Variants in SYCE2 observed in about 807,000 individuals in gnomAD.
The protein encoded by SYCE2 is synaptonemal complex central element protein 2.
A neutral mutation model predicts 27.9 loss-of-function variants in SYCE2; 3 were observed. That is an observed-to-expected ratio of 0.11 (90% CI 0.05 to 0.28). The LOEUF is 0.28. Among genes scored for constraint, SYCE2 ranks in the 10% least tolerant of loss-of-function variants. The pLI, the probability that SYCE2 is intolerant of heterozygous loss-of-function variation, is 1.00. For synonymous variants in SYCE2, 85 were observed against 100.7 expected (o/e 0.84, Z 0.93); for missense variants, 207 against 263.5 (o/e 0.79, Z 1.48).
intron 1 of SYCE2, among the ~76,000 whole-genome samples, 176 bp from the exon 2 acceptor site, chr19:12,918,513 A>G (rs1971180308): frequency 6.6e-6 from 1 of 152,116 alleles, no homozygotes; most frequent in Non-Finnish European, 1.5e-5. Flanking sequence ...ATGGGGTGAA[A>G]GGACACTCTG....
chr19:12,905,623 G>A (rs929289470), intron 2 of SYCE2, among the ~76,000 whole-genome samples: 4 of 151,066 alleles, frequency 2.6e-5, no homozygotes, highest in African/African-American at 7.3e-5. Flanking sequence ...GAGCCACCGC[G>A]CCCAGCCCAA....
chr19:12,909,507 C>T (rs1971005253), intron 2 of SYCE2, among the ~76,000 whole-genome samples: 1 of 152,162 alleles, frequency 6.6e-6, no homozygotes, highest in Non-Finnish European at 1.5e-5. Context: ...CTCTCTGTCC[C>T]TCTGCATCCT....
At chr19:12,912,435 A>T (rs757602378) in intron 2 of SYCE2, among the ~76,000 whole-genome samples, 3 of 148,370 alleles carry the variant, frequency 2.0e-5, no homozygotes, top group African/African-American at 7.9e-5. Flanking sequence ...TATGAACATC[A>T]GTCCCCTCCA....
chr19:12,904,471 T>TA, intron 3 of SYCE2, 21 bp downstream of exon 3: 1 of 1,613,746 alleles, frequency 6.2e-7, no homozygotes, highest in Non-Finnish European at 8.5e-7. Flanking sequence ...ATCCCCCCTC[T>TA]CGCTGGGTGG....
At position 12,907,263 on chromosome 19, in the gene SYCE2, G is replaced by A. The variant is rs574743416; in HGVS notation, c.132-2597C>T. 1.3e-4 allele frequency among the ~76,000 whole-genome samples: 20 copies of A among 152,300 alleles called. No homozygotes were observed. The East Asian group carries it at 1.5e-3, about 12-fold the overall frequency. On this transcript the variant is annotated intron_variant, in intron 2 of 5. Transcript: ENST00000293695. ...GTGGTTACACCACCTTCTCAAGGTG[G>A]AGGACAGTCTGTGGCAGAGCTGGGC...
intron 2 of SYCE2, among the ~76,000 whole-genome samples, chr19:12,905,254 G>A (rs1319751206): frequency 6.6e-6 from 1 of 152,146 alleles, no homozygotes; most frequent in Non-Finnish European, 1.5e-5. Context: ...AGGTCTGTCT[G>A]TCCCCAAAGC....
intron 3 of SYCE2, among the ~76,000 whole-genome samples, chr19:12,902,178 G>A (rs1378028899): frequency 2.0e-5 from 3 of 152,102 alleles, no homozygotes; most frequent in East Asian, 3.9e-4. Flanking sequence ...GCCTAGGTGT[G>A]TAGTAGACTA....
In SYCE2 at chr19:12,899,518, C is replaced by A. The variant is rs781766815; in HGVS notation, c.613-133G>T. On this transcript the variant is annotated intron_variant, in intron 5 of 5. Coordinates refer to ENST00000293695, the MANE Select transcript of SYCE2 (RefSeq NM_001105578.2). ...CCTTGGGAGAGCTATCACGGGAATC[C>A]AGGCGTTCACGGCCAGCAAGTGAGC... 24 of 1,614,162 alleles carry A rather than the reference C, an allele frequency of 1.5e-5. No homozygotes were observed. The East Asian group carries it at 5.3e-4, about 36-fold the overall frequency.
Position 12,908,139 on chromosome 19 carries a change from T to TCAAA in SYCE2, c.132-3477_132-3474dup, listed in dbSNP as rs558394349. Among the ~76,000 whole-genome samples the TCAAA allele has an allele frequency of 9.8e-4, 149 of 152,044 alleles. 3 individuals are homozygous for TCAAA. The highest frequency in any genetic ancestry group is 7.1e-3 in the South Asian group (34 of 4,820). On this transcript the variant is annotated intron_variant, in intron 2 of 5. Transcript: ENST00000293695. ...CTGGGCGACAGAGTGAGACCCTGTT[T>TCAAA]CAAACAAACAAACAAAACAACCACA...
At chr19:12,909,864 C>T (rs1971011421) in intron 2 of SYCE2, among the ~76,000 whole-genome samples, 1 of 151,416 alleles carries the variant, frequency 6.6e-6, no homozygotes, top group Non-Finnish European at 1.5e-5. Flanking sequence ...CTGTGCCCAG[C>T]CTTTTTATTT....
At chr19:12,899,945 G>A in intron 5 of SYCE2, 59 bp downstream of exon 5, 1 of 1,611,332 alleles carries the variant, frequency 6.2e-7, no homozygotes, top group Non-Finnish European at 8.5e-7. Context: ...GTGAGGGAGA[G>A]GAAAATAAAG....
At chr19:12,905,352 G>A (rs1234237725) in intron 2 of SYCE2, among the ~76,000 whole-genome samples, 6 of 151,388 alleles carry the variant, frequency 4.0e-5, no homozygotes, top group African/African-American at 1.5e-4. Flanking sequence ...TTTTTTTTGA[G>A]ACGGAGTCTC....
In SYCE2 at chr19:12,899,024, G is replaced by A; in HGVS notation, c.*317C>T. 1 of 411,622 alleles carries A rather than the reference G, an allele frequency of 2.4e-6. No homozygotes were observed. The highest frequency in any genetic ancestry group is 4.5e-6 in the Non-Finnish European group (1 of 220,236). The allele number at this position is 411,622 out of a possible 1,614,324, so 25.5% of individuals were successfully genotyped here. A position where few individuals can be genotyped will look rare whatever the true frequency, so the allele number is the denominator to read the frequency against. On this transcript the variant is annotated 3_prime_UTR_variant, in exon 6 of 6. Transcript: ENST00000293695. ...CCGAGGGTAAGAAAGGGCTTGCTGT[G>A]TTTCCTTGGAGCTCAGGGGTGCTTT... is the stretch of plus-strand genomic sequence containing the variant.
intron 2 of SYCE2, among the ~76,000 whole-genome samples, chr19:12,911,482 C>T (rs1019262612): frequency 6.6e-6 from 1 of 151,966 alleles, no homozygotes. Flanking sequence ...CTCTGTCGCC[C>T]AGGCTGGAGT....
At chr19:12,912,805 A>T (rs937012012) in intron 2 of SYCE2, among the ~76,000 whole-genome samples, 2 of 151,788 alleles carry the variant, frequency 1.3e-5, no homozygotes, top group African/African-American at 4.8e-5. Context: ...ACTTGAATTC[A>T]GCTAATTCGA....
intron 1 of SYCE2, 23 bp from the exon 2 acceptor site, chr19:12,918,360 G>A: frequency 6.2e-7 from 1 of 1,606,568 alleles, no homozygotes; most frequent in South Asian, 1.1e-5. Context: ...TCAGGACGGA[G>A]GCCAAGGAGG....
Position 12,900,295 on chromosome 19 carries a change from T to C in SYCE2, c.495+165A>G, listed in dbSNP as rs548701419. The C allele has an allele frequency of 6.7e-4, 699 of 1,046,466 alleles. 9 individuals are homozygous for C. The South Asian group carries it at 0.011, about 17-fold the overall frequency. 64.8% of individuals were successfully genotyped at this position (1,046,466 alleles called of 1,614,324 possible). A position where few individuals can be genotyped will look rare whatever the true frequency, so the allele number is the denominator to read the frequency against. On this transcript the variant is annotated intron_variant, in intron 4 of 5. Transcript: ENST00000293695. ...GGCTTCTCAGCTCAGACACACCATG[T>C]TATAGGGGATCACAAACAAGATGGT...
intron 3 of SYCE2, among the ~76,000 whole-genome samples, chr19:12,901,024 CCGGGCGAGGTGG>C (rs1248322244): frequency 1.3e-5 from 2 of 152,028 alleles, no homozygotes; most frequent in Non-Finnish European, 2.9e-5. Context: ...AAAAATTTAG[CCGGGCGAGGTGG>C]CGGGCGCCTG....
At chr19:12,912,613 C>T (rs1971067566) in intron 2 of SYCE2, among the ~76,000 whole-genome samples, 1 of 152,156 alleles carries the variant, frequency 6.6e-6, no homozygotes, top group Non-Finnish European at 1.5e-5. Flanking sequence ...CCTGGATGCT[C>T]TCAACAGTTT....
Sources: gnomAD v4.1 joint callset for allele counts (sites outside exome capture counted in the v4.1 genomes callset) on GRCh38, gnomAD v4.1.1 for gene constraint, MANE v1.5 for transcripts, NCBI Gene and HGNC (gene_info 2026-07-23, HGNC 2026-07-21) for gene names.